Variants in HSPG2 observed in about 807,000 individuals in gnomAD.
HSPG2 encodes basement membrane-specific heparan sulfate proteoglycan core protein.
In HSPG2, 278 loss-of-function variants were observed where a neutral mutation model predicts 526.6. The ratio of observed to expected loss-of-function variants is 0.53; its 90% CI spans 0.48 to 0.58. The LOEUF is 0.58. HSPG2 is among the 20% of genes least tolerant of loss of function. The probability of loss-of-function intolerance (pLI) is 0.00; values close to 1 mark genes in which losing one functional copy is unlikely to be tolerated. For synonymous variants in HSPG2, 2,465 were observed against 2,555.4 expected, an observed-to-expected ratio of 0.96 and a Z score of 1.07; for missense variants, 5,354 against 6,099.5, an observed-to-expected ratio of 0.88 and a Z score of 4.07.
At position 21,864,635 on chromosome 1, in the gene HSPG2, C is replaced by T. The variant is rs1233018209; in HGVS notation, c.4626+208G>A. Among the ~76,000 whole-genome samples the T allele has an allele frequency of 1.3e-5, 2 of 152,344 alleles. No individual in the cohort carries two copies. Among genetic ancestry groups the T allele is most frequent in the African/African-American group, 2.4e-5 (1 of 41,566 alleles). ...ACACATTAGCCGTGTGCCCTTGGGA[C>T]ACACTCACCCCTCAGCACCTCTATT... On this transcript the variant is annotated intron_variant, in intron 36 of 96. Transcript: ENST00000374695. The surrounding 1 kb of genome is among the most constrained non-coding windows in gnomAD (Gnocchi z 4.8).
Position 21,878,044 on chromosome 1 carries a change from G to A in HSPG2, c.2685+142C>T, listed in dbSNP as rs534997091. ...GCCACCTGTCCTGGTACGGAAGGCC[G>A]GTGGGCCAGGTCCACCAGCCTCTGA... On this transcript the variant is annotated intron_variant, in intron 21 of 96. Transcript: ENST00000374695. The A allele has an allele frequency of 2.9e-5, 21 of 725,936 alleles. 1 individual carries two copies. Among genetic ancestry groups the A allele is most frequent in the South Asian group, 1.4e-4 (8 of 56,150 alleles). The allele number at this position is 725,936 out of a possible 1,614,324, so 45.0% of individuals were successfully genotyped here.
Position 21,823,173 on chromosome 1 carries a change from C to T in HSPG2, c.*143G>A, listed in dbSNP as rs2097956309. 2.4e-6 allele frequency: 2 copies of T among 825,582 alleles called. No individual in the cohort carries two copies. Among genetic ancestry groups the T allele is most frequent in the Non-Finnish European group, 3.5e-6 (2 of 568,970 alleles). 51.1% of individuals were successfully genotyped at this position (825,582 alleles called of 1,614,324 possible). ...GTGTGTGTGAGGGTGGCATGCCCAC[C>T]TCCAGTCCAGCCCAGGGCGGTAGCA... is the stretch of plus-strand genomic sequence containing the variant. On this transcript the variant is annotated 3_prime_UTR_variant, in exon 97 of 97. Transcript: ENST00000374695.
intron 1 of HSPG2, among the ~76,000 whole-genome samples, chr1:21,927,847 G>A (rs1644246774): frequency 6.6e-6 from 1 of 152,224 alleles, no homozygotes; most frequent in Non-Finnish European, 1.5e-5. Context: ...AAGAGGCCCA[G>A]GGAATGGACA....
At chr1:21,888,491 A>G (rs1642111623) in intron 6 of HSPG2, among the ~76,000 whole-genome samples, 1 of 152,096 alleles carries the variant, frequency 6.6e-6, no homozygotes, top group African/African-American at 2.4e-5. Flanking sequence ...ATTTTTTTAG[A>G]GACAGGGTCT....
intron 1 of HSPG2, among the ~76,000 whole-genome samples, chr1:21,910,140 G>C (rs1007027095): frequency 9.9e-5 from 15 of 152,260 alleles, no homozygotes; most frequent in East Asian, 1.9e-4. Context: ...CCTCCATGGC[G>C]ATGTTGGTTC....
intron 1 of HSPG2, among the ~76,000 whole-genome samples, chr1:21,936,396 C>T (rs1175660698): frequency 6.6e-6 from 1 of 152,246 alleles, no homozygotes; most frequent in Admixed American, 6.5e-5. Flanking sequence ...AGCTGGGGAA[C>T]TCGGGTCCCC....
At position 21,841,668 on chromosome 1, in the gene HSPG2, C is replaced by A; in HGVS notation, c.9199G>T (p.Val3067Phe). 1 of 1,614,080 alleles carries A rather than the reference C, an allele frequency of 6.2e-7. No individual in the cohort carries two copies. The change falls in exon 70 of 97, where the codon GTC (valine) becomes TTC (phenylalanine). Residue 3067 changes from valine to phenylalanine, a missense_variant. Val to Phe is a conservative substitution (Grantham distance 50). Transcript: ENST00000374695. ...KTRNQELEDN[V>F]HISPNGSIIT... ...ATGGAGCCATTGGGACTGATGTGGA[C>A]GTTGTCTGTGAGGTTGCATGGGGGA...
In HSPG2 at chr1:21,833,023, G is replaced by A. The variant is rs527879349; in HGVS notation, c.11095+245C>T. 5.1e-6 allele frequency: 3 copies of A among 588,062 alleles called. No homozygotes were observed. The African/African-American group carries it at 5.6e-5, about 11-fold the overall frequency. The allele number at this position is 588,062 out of a possible 1,614,324, so 36.4% of individuals were successfully genotyped here. ...CTGGGACAGGAGGACTGGGGGTGAT[G>A]CCCCGGTGGCAGAGGAGCCACGAGG... On this transcript the variant is annotated intron_variant, in intron 80 of 96. Coordinates refer to ENST00000374695, the MANE Select transcript of HSPG2 (RefSeq NM_005529.7).
At chr1:21,833,726 A>G in intron 78 of HSPG2, 90 bp downstream of exon 78, 6 of 1,552,648 alleles carry the variant, frequency 3.9e-6, no homozygotes, top group Non-Finnish European at 5.3e-6. Context: ...CTCTTGGCCA[A>G]GCCTGTGCCA....
intron 91 of HSPG2, among the ~76,000 whole-genome samples, chr1:21,826,597 C>A: frequency 6.6e-6 from 1 of 152,034 alleles, no homozygotes; most frequent in Admixed American, 6.6e-5. Flanking sequence ...GCAACCTCCA[C>A]CTCCCAGGTT....
At chr1:21,837,964 C>T (rs2098033314) in intron 74 of HSPG2, among the ~76,000 whole-genome samples, 1 of 151,786 alleles carries the variant, frequency 6.6e-6, no homozygotes, top group Non-Finnish European at 1.5e-5. Context: ...GGCGAATCCC[C>T]TTCTCTACTA....
At chr1:21,892,964 G>T (rs1341056443) in intron 3 of HSPG2, among the ~76,000 whole-genome samples, 2 of 152,078 alleles carry the variant, frequency 1.3e-5, no homozygotes, top group East Asian at 3.9e-4. Context: ...TGGAATAGGG[G>T]TGCTCTCTGG....
chr1:21,918,077 C>T (rs1047693931), intron 1 of HSPG2, among the ~76,000 whole-genome samples: 2 of 152,014 alleles, frequency 1.3e-5, no homozygotes, highest in Non-Finnish European at 2.9e-5. Flanking sequence ...AGTTTGAGGA[C>T]TCAATTTCTT....
rs577989645 is a variant in HSPG2 at position 21,895,997 on chromosome 1, C to G, written c.200-31G>C. 132 of 1,612,930 alleles carry G rather than the reference C, an allele frequency of 8.2e-5. 3 individuals carry two copies. The South Asian group carries it at 1.3e-3, about 16-fold the overall frequency. ...AGCAAAAAAGAGATGTAATCAGCAA[C>G]AACAAGTATTTGTTGAGTACCTACT... On this transcript the variant is annotated intron_variant, in intron 2 of 96. Coordinates refer to ENST00000374695, the MANE Select transcript of HSPG2 (RefSeq NM_005529.7). The surrounding 1 kb of genome is among the most constrained non-coding windows in gnomAD (Gnocchi z 4.1).
chr1:21,846,242 C>G lies in HSPG2; in HGVS notation c.8330G>C (p.Arg2777Pro), dbSNP rs146305109. 1.2e-6 allele frequency: 2 copies of G among 1,612,994 alleles called. No individual in the cohort carries two copies. Among genetic ancestry groups the G allele is most frequent in the Non-Finnish European group, 1.7e-6 (2 of 1,179,978 alleles). ...CGGGGACACATGGTGCAGCCGCAGC[C>G]GTGAGCCGCGGGTCTGAATAGGGGA... ...LPSHHQTRGSRLRLHHVSPAD... is the reference protein window; with the variant it reads ...LPSHHQTRGSPLRLHHVSPAD... Residue 2777 changes from arginine to proline, a missense_variant, in exon 64 of 97, where the codon CGG (arginine) becomes CCG (proline). Physicochemically the swap from Arg to Pro is moderately radical, Grantham distance 103. Transcript: ENST00000374695.
chr1:21,841,890 C>G, intron 69 of HSPG2, 112 bp downstream of exon 69: 1 of 1,472,960 alleles, frequency 6.8e-7, no homozygotes, highest in Non-Finnish European at 9.4e-7. Context: ...TTACTCAGGG[C>G]CACACCATGA....
intron 1 of HSPG2, among the ~76,000 whole-genome samples, chr1:21,917,167 C>T (rs1643905704): frequency 6.6e-6 from 1 of 151,978 alleles, no homozygotes; most frequent in Non-Finnish European, 1.5e-5. Flanking sequence ...CGCGGTGGCA[C>T]ATGCCTGTAA....
intron 1 of HSPG2, among the ~76,000 whole-genome samples, chr1:21,901,164 T>C (rs1365816340): frequency 6.6e-6 from 1 of 151,920 alleles, no homozygotes; most frequent in East Asian, 1.9e-4. Flanking sequence ...TGAGCTTGTG[T>C]TATTATTATT....
chr1:21,936,474 C>T (rs1644491749), intron 1 of HSPG2, among the ~76,000 whole-genome samples: 1 of 152,170 alleles, frequency 6.6e-6, no homozygotes, highest in Non-Finnish European at 1.5e-5. Context: ...CAACGCCCTG[C>T]AGCTATGCAT....
Sources: allele counts gnomAD v4.1 joint callset (sites outside exome capture counted in the v4.1 genomes callset), GRCh38; gene constraint gnomAD v4.1.1; non-coding constraint Gnocchi (gnomAD v3.1); transcripts MANE v1.5; gene names NCBI Gene and HGNC (gene_info 2026-07-23, HGNC 2026-07-21).